The following CACNA2D1 variants were observed in gnomAD, a reference collection of about 807,000 sequenced individuals.
The protein encoded by CACNA2D1 is voltage-dependent calcium channel subunit alpha-2/delta-1.
CACNA2D1 carries 53 observed loss-of-function variants against 171.5 expected under a neutral mutation model. The observed-to-expected ratio is 0.31, with a 90% CI of 0.25 to 0.39. CACNA2D1 has a LOEUF of 0.39. Among genes scored for constraint, CACNA2D1 ranks in the 10% least tolerant of loss-of-function variants. The pLI, the probability that CACNA2D1 is intolerant of heterozygous loss-of-function variation, is 1.00. For missense variants in CACNA2D1, 903 were observed against 1,299.8 expected (o/e 0.69, Z 4.69); for synonymous variants, 442 against 443.1 (o/e 1.00, Z 0.03).
chr7:82,052,604 T>A (rs1805316078), intron 10 of CACNA2D1, among the ~76,000 whole-genome samples: 1 of 152,176 alleles, frequency 6.6e-6, no homozygotes, highest in African/African-American at 2.4e-5. Flanking sequence ...ACTGAAAAAT[T>A]TCTTTAAAAT....
intron 3 of CACNA2D1, among the ~76,000 whole-genome samples, chr7:82,290,518 AT>A (rs144672781): frequency 0.018 from 2,669 of 149,958 alleles, 96 homozygotes; most frequent in African/African-American, 0.059. Flanking sequence ...ATTAAATCAT[AT>A]TTTCCCCATA....
chr7:82,068,256 C>T (rs1465974838), intron 7 of CACNA2D1, among the ~76,000 whole-genome samples: 1 of 152,102 alleles, frequency 6.6e-6, no homozygotes, highest in African/African-American at 2.4e-5. Flanking sequence ...CCAGCCCCGC[C>T]CCCTGCCCCA....
At chr7:82,179,758 T>C (rs1796921876) in intron 3 of CACNA2D1, among the ~76,000 whole-genome samples, 1 of 152,150 alleles carries the variant, frequency 6.6e-6, no homozygotes, top group East Asian at 1.9e-4. Context: ...ATTTTAGTAG[T>C]GCATATATCA....
intron 1 of CACNA2D1, among the ~76,000 whole-genome samples, chr7:82,369,914 T>C (rs950587988): frequency 6.6e-6 from 1 of 152,080 alleles, no homozygotes; most frequent in Admixed American, 6.5e-5. Context: ...TATTTTCAAC[T>C]TGTAATGTAA....
chr7:82,402,350 T>A (rs545610863), intron 1 of CACNA2D1, among the ~76,000 whole-genome samples: 1 of 152,292 alleles, frequency 6.6e-6, no homozygotes, highest in South Asian at 2.1e-4. Context: ...TGTGGGCTTA[T>A]TAATATTATT....
In CACNA2D1 at chr7:82,032,910, A is replaced by C. The variant is rs777592725; in HGVS notation, c.1039-9T>G. 1.5e-6 allele frequency: 2 copies of C among 1,298,664 alleles called. No homozygotes were observed. The highest frequency in any genetic ancestry group is 2.4e-5 in the South Asian group (2 of 84,724). The allele number at this position is 1,298,664 out of a possible 1,614,324, so 80.4% of individuals were successfully genotyped here. A position where few individuals can be genotyped will look rare whatever the true frequency, so the allele number is the denominator to read the frequency against. ...GCTCTGGAAACATTATACTGTTAAA[A>C]ACAAAACCAAACAAAACAATATGCG... is the stretch of plus-strand genomic sequence containing the variant. On this transcript the variant is annotated splice_polypyrimidine_tract_variant and intron_variant, in intron 11 of 38. Transcript: ENST00000356860.
intron 1 of CACNA2D1, among the ~76,000 whole-genome samples, chr7:82,427,278 A>C (rs1829281677): frequency 6.6e-6 from 1 of 152,228 alleles, no homozygotes. Flanking sequence ...AACTTAAAAC[A>C]GTGGGAAAAT....
chr7:82,433,454 T>G (rs1829878126), intron 1 of CACNA2D1, among the ~76,000 whole-genome samples: 1 of 152,216 alleles, frequency 6.6e-6, no homozygotes, highest in South Asian at 2.1e-4. Context: ...ATGGAATATG[T>G]AATTTAAATC....
intron 18 of CACNA2D1, among the ~76,000 whole-genome samples, chr7:81,998,702 A>T (rs1798293421): frequency 6.6e-6 from 1 of 152,140 alleles, no homozygotes; most frequent in African/African-American, 2.4e-5. Flanking sequence ...AGATTCTAGA[A>T]TACTGAAAAT....
chr7:82,408,022 CTT>C (rs552179208), intron 1 of CACNA2D1, among the ~76,000 whole-genome samples: 15 of 136,540 alleles, frequency 1.1e-4, no homozygotes, highest in African/African-American at 1.3e-4. Flanking sequence ...CTTGTACTTT[CTT>C]TTTTTTTTTT....
At chr7:82,305,706 T>G (rs1460404298) in intron 3 of CACNA2D1, among the ~76,000 whole-genome samples, 2 of 152,238 alleles carry the variant, frequency 1.3e-5, no homozygotes, top group Non-Finnish European at 2.9e-5. Context: ...CTCATGCACA[T>G]GTGTGCACAA....
intron 12 of CACNA2D1, among the ~76,000 whole-genome samples, chr7:82,025,933 T>C (rs1801840391): frequency 6.6e-6 from 1 of 151,686 alleles, no homozygotes; most frequent in Non-Finnish European, 1.5e-5. Flanking sequence ...TTCAGTGCTG[T>C]CCATGTTTGC....
chr7:82,401,384 T>G (rs1038144912), intron 1 of CACNA2D1, among the ~76,000 whole-genome samples: 2 of 149,768 alleles, frequency 1.3e-5, no homozygotes, highest in Admixed American at 6.7e-5. Flanking sequence ...CCATAAAAAA[T>G]GATGAGTTCA....
rs537601222 is a variant in CACNA2D1 at position 82,073,966 on chromosome 7, A to G, written c.659-7442T>C. Among the ~76,000 whole-genome samples, 7 of 152,350 alleles carry G rather than the reference A, an allele frequency of 4.6e-5. No homozygotes were observed. In the South Asian group the frequency reaches 6.2e-4, roughly 14 times the overall value. ...GAGATGGGCTCTAGGAACTAGGCAC[A>G]TAGAGACACGAACACAAAAAGGCAG... On this transcript the variant is annotated intron_variant, in intron 7 of 38. Transcript: ENST00000356860.
chr7:82,008,759 A>G (rs1015742160), intron 15 of CACNA2D1, among the ~76,000 whole-genome samples: 2 of 152,142 alleles, frequency 1.3e-5, no homozygotes, highest in African/African-American at 4.8e-5. Context: ...TGGATTTGGA[A>G]TAATTATTCA....
chr7:82,202,775 T>C (rs1162633425), intron 3 of CACNA2D1, among the ~76,000 whole-genome samples: 1 of 152,014 alleles, frequency 6.6e-6, no homozygotes, highest in East Asian at 1.9e-4. Context: ...TTAGGTCTGA[T>C]ACAGAGGAGG....
chr7:82,436,993 G>A (rs1830160381), intron 1 of CACNA2D1, among the ~76,000 whole-genome samples: 1 of 152,088 alleles, frequency 6.6e-6, no homozygotes, highest in African/African-American at 2.4e-5. Context: ...TGACAACTTT[G>A]GTATGTGTTG....
chr7:82,321,642 C>T (rs544426460), intron 3 of CACNA2D1, among the ~76,000 whole-genome samples: 3 of 152,222 alleles, frequency 2.0e-5, no homozygotes, highest in East Asian at 1.9e-4. Flanking sequence ...CATCATTATG[C>T]GCCAAAAACA....
At position 81,982,562 on chromosome 7, in the gene CACNA2D1, C is replaced by A; in HGVS notation, c.1955+5G>T. ...AAGATGTATCAAAAATACAACAAAA[C>A]CAACCTTGGTGCTATGAATGTATAG... On this transcript the variant is annotated splice_donor_5th_base_variant and intron_variant, in intron 24 of 38. Transcript: ENST00000356860. 6.3e-7 allele frequency: 1 copy of A among 1,584,764 alleles called. No individual in the cohort carries two copies. The highest frequency in any genetic ancestry group is 8.7e-7 in the Non-Finnish European group (1 of 1,153,708).
Sources: allele counts gnomAD v4.1 joint callset (sites outside exome capture counted in the v4.1 genomes callset), GRCh38; gene constraint gnomAD v4.1.1; transcripts MANE v1.5; gene names NCBI Gene and HGNC (gene_info 2026-07-23, HGNC 2026-07-21).